Variants in PVT1 observed in about 807,000 individuals in gnomAD.
PVT1 encodes the protein CXCR4/PVT1 fusion.
chr8:128,049,057 A>C (rs1049015187), intron 4 of PVT1: 1 of 470,028 alleles, frequency 2.1e-6, no homozygotes, highest in East Asian at 5.7e-5. Context: ...CTGGCTTGGT[A>C]ATATTACCCA....
At chr8:127,827,528 G>A (rs56699449) in intron 2 of PVT1, among the ~76,000 whole-genome samples, 8 of 151,994 alleles carry the variant, frequency 5.3e-5, no homozygotes, top group Non-Finnish European at 8.8e-5. Context: ...CCCCCTTCAC[G>A]GTCCAGGAGC....
chr8:128,047,179 T>A (rs1813625453), intron 4 of PVT1, among the ~76,000 whole-genome samples: 1 of 152,238 alleles, frequency 6.6e-6, no homozygotes, highest in South Asian at 2.1e-4. Context: ...TTTTGATGTA[T>A]GCTGAGCTTC....
intron 2 of PVT1, among the ~76,000 whole-genome samples, chr8:127,873,708 T>C (rs915566503): frequency 6.6e-6 from 1 of 152,212 alleles, no homozygotes; most frequent in African/African-American, 2.4e-5. Flanking sequence ...GCAAATGTGC[T>C]ATGGAGATTT....
chr8:127,904,619 T>A (rs1380001657), intron 3 of PVT1, among the ~76,000 whole-genome samples: 3 of 152,122 alleles, frequency 2.0e-5, no homozygotes, highest in Non-Finnish European at 4.4e-5. Flanking sequence ...GGCCCTCCGT[T>A]AGGGGGATGG....
At chr8:127,995,831 T>G (rs891979699) in intron 4 of PVT1, among the ~76,000 whole-genome samples, 3 of 152,198 alleles carry the variant, frequency 2.0e-5, no homozygotes, top group Non-Finnish European at 4.4e-5. Flanking sequence ...AGTTTGCAAA[T>G]GAAGGAATCT....
chr8:127,807,989 C>T (rs1055604050), intron 2 of PVT1, among the ~76,000 whole-genome samples: 4 of 151,720 alleles, frequency 2.6e-5, no homozygotes, highest in East Asian at 1.9e-4. Flanking sequence ...AGGATGGTCT[C>T]GATCTCCTGA....
At chr8:127,852,133 G>C (rs975843001) in intron 2 of PVT1, 1 of 152,266 alleles carries the variant, frequency 6.6e-6, no homozygotes, top group Non-Finnish European at 1.5e-5. Context: ...TCCTGGAACT[G>C]AGTCACTGCA....
At chr8:127,949,423 GTATC>G (rs1816468552) in intron 3 of PVT1, among the ~76,000 whole-genome samples, 1 of 147,440 alleles carries the variant, frequency 6.8e-6, no homozygotes, top group Admixed American at 6.8e-5. Context: ...GTGTGTGTGT[GTATC>G]TGTCTGTCTC....
At chr8:127,833,786 C>T (rs1192855268) in intron 2 of PVT1, among the ~76,000 whole-genome samples, 1 of 152,124 alleles carries the variant, frequency 6.6e-6, no homozygotes, top group Non-Finnish European at 1.5e-5. Context: ...CTGCCTGGCT[C>T]CAGAGGGATA....
chr8:127,943,425 A>G (rs764818133), intron 3 of PVT1, among the ~76,000 whole-genome samples: 4 of 152,250 alleles, frequency 2.6e-5, no homozygotes, highest in Middle Eastern at 3.2e-3. Context: ...TTTGTATGAT[A>G]TCAAGACCAT....
At chr8:128,040,754 G>A (rs1813520673) in intron 4 of PVT1, among the ~76,000 whole-genome samples, 1 of 152,032 alleles carries the variant, frequency 6.6e-6, no homozygotes, top group Admixed American at 6.6e-5. Context: ...GCTTGTGTGT[G>A]TGTATGTGTT....
chr8:127,840,144 C>T (rs1250196248), intron 2 of PVT1, among the ~76,000 whole-genome samples: 6 of 152,200 alleles, frequency 3.9e-5, no homozygotes, highest in Non-Finnish European at 8.8e-5. Context: ...CCACACTACA[C>T]AGGGCCTTTG....
At chr8:128,031,947 T>C (rs375846962) in intron 4 of PVT1, among the ~76,000 whole-genome samples, 2 of 151,976 alleles carry the variant, frequency 1.3e-5, no homozygotes, top group East Asian at 1.9e-4. Flanking sequence ...GTTCCCCTAA[T>C]TATTATGATA....
intron 4 of PVT1, among the ~76,000 whole-genome samples, chr8:128,003,520 A>AT (rs1406179248): frequency 4.0e-5 from 6 of 151,730 alleles, no homozygotes; most frequent in Non-Finnish European, 5.9e-5. Context: ...TAGTTTTTGT[A>AT]TTTTTTGTAG....
chr8:127,842,726 T>C (rs1305667464), intron 2 of PVT1, among the ~76,000 whole-genome samples: 1 of 152,052 alleles, frequency 6.6e-6, no homozygotes, highest in Non-Finnish European at 1.5e-5. Context: ...GCACCAACCC[T>C]CCCTCTTGCT....
intron 5 of PVT1, among the ~76,000 whole-genome samples, chr8:128,074,448 G>A (rs1024880573): frequency 2.6e-5 from 4 of 151,700 alleles, no homozygotes; most frequent in Admixed American, 6.6e-5. Flanking sequence ...GCTTGAAGCC[G>A]GGAGGCGGAG....
At position 127,893,468 on chromosome 8, in the gene PVT1, A is replaced by G. The variant is rs113131074; in HGVS notation, n.782+2470A>G. 2.1e-3 allele frequency among the ~76,000 whole-genome samples: 327 copies of G among 152,106 alleles called. 1 individual carries two copies. The highest frequency in any genetic ancestry group is 7.4e-3 in the African/African-American group (308 of 41,484). ...ATTTTTGTTGGCCAGGCTGGTCTTGAACTCCTGACTTCAAGTGATCTGCCT... is the reference window on the plus strand; with the variant it reads ...ATTTTTGTTGGCCAGGCTGGTCTTGGACTCCTGACTTCAAGTGATCTGCCT... On this transcript the variant is annotated intron_variant and non_coding_transcript_variant, in intron 3 of 10. Transcript: ENST00000651587.
At chr8:127,857,724 A>C (rs887480200) in intron 2 of PVT1, among the ~76,000 whole-genome samples, 2 of 152,222 alleles carry the variant, frequency 1.3e-5, no homozygotes, top group Non-Finnish European at 2.9e-5. Flanking sequence ...ACAGAAAGGG[A>C]GGAGCATCCA....
chr8:127,933,625 A>G (rs1816238302), intron 3 of PVT1, among the ~76,000 whole-genome samples: 1 of 152,142 alleles, frequency 6.6e-6, no homozygotes, highest in Non-Finnish European at 1.5e-5. Context: ...TGGAAGGGGC[A>G]AGATGAAGCC....
Sources: allele counts gnomAD v4.1 joint callset (sites outside exome capture counted in the v4.1 genomes callset), GRCh38; gene constraint gnomAD v4.1.1; transcripts MANE v1.5; gene names NCBI Gene and HGNC (gene_info 2026-07-23, HGNC 2026-07-21).